Variants in ZNF808 observed in about 807,000 individuals in gnomAD.
ZNF808 encodes zinc finger protein 808.
A neutral mutation model predicts 8.7 loss-of-function variants in ZNF808; 5 were observed. The observed-to-expected ratio is 0.58, with a 90% CI of 0.30 to 1.21. ZNF808 has a LOEUF of 1.21. Among genes scored for constraint, ZNF808 ranks in the 50% most tolerant of loss-of-function variants. The pLI, the probability that ZNF808 is intolerant of heterozygous loss-of-function variation, is 0.07. For missense variants in ZNF808, 1,103 were observed against 1,098.4 expected (o/e 1.00, Z -0.06); for synonymous variants, 380 against 366.0 (o/e 1.04, Z -0.44).
chr19:52,546,966 T>A (rs2059727919), intron 3 of ZNF808, among the ~76,000 whole-genome samples: 1 of 148,694 alleles, frequency 6.7e-6, no homozygotes, highest in Non-Finnish European at 1.5e-5. Context: ...TTTTTTTTTT[T>A]AGATGGAGTG....
chr19:52,548,332 T>C (rs1035127302), intron 4 of ZNF808, among the ~76,000 whole-genome samples: 4 of 152,226 alleles, frequency 2.6e-5, no homozygotes, highest in Non-Finnish European at 5.9e-5. Flanking sequence ...ATCAATCTTA[T>C]TGAGGGAGCT....
chr19:52,562,647 GT>G (rs2059861714), intron 3 of ZNF808, among the ~76,000 whole-genome samples: 1 of 152,162 alleles, frequency 6.6e-6, no homozygotes. Flanking sequence ...TACAGTCTGT[GT>G]TTTATATTTC....
intron 4 of ZNF808, among the ~76,000 whole-genome samples, chr19:52,548,820 A>G (rs1250566976): frequency 6.6e-6 from 1 of 152,098 alleles, no homozygotes; most frequent in African/African-American, 2.4e-5. Flanking sequence ...CTTTACTATT[A>G]TAAATAATAC....
chr19:52,546,188 GT>G (rs35937083), intron 3 of ZNF808, among the ~76,000 whole-genome samples: 38,205 of 140,450 alleles, frequency 0.27, 2,798 homozygotes, highest in African/African-American at 0.31. Flanking sequence ...CATCATAACA[GT>G]TTTTTTTTTT....
Position 52,553,483 on chromosome 19 carries a change from A to T in ZNF808, c.567A>T (p.Ser189=). ...QLEKSTSDAS[S]VSTSQRISCR... Reference sequence around the variant, plus strand: ...AGAAGTCTACCAGTGATGCTTCCTCAGTTTCAACATCCCAAAGAATTTCCT... The same window carrying T: ...AGAAGTCTACCAGTGATGCTTCCTCTGTTTCAACATCCCAAAGAATTTCCT... Residue 189 remains serine, a synonymous_variant, in exon 5 of 5, where the codon TCA becomes TCT. Coordinates refer to ENST00000359798, the MANE Select transcript of ZNF808 (RefSeq NM_001039886.4). 1 of 1,614,196 alleles carries T rather than the reference A, an allele frequency of 6.2e-7. No homozygotes were observed. The highest frequency in any genetic ancestry group is 1.3e-5 in the African/African-American group (1 of 75,054).
At chr19:52,531,784 C>G (rs2059564077) in intron 1 of ZNF808, among the ~76,000 whole-genome samples, 1 of 152,068 alleles carries the variant, frequency 6.6e-6, no homozygotes, top group South Asian at 2.1e-4. Flanking sequence ...TAACTAAGGG[C>G]AATGAATATA....
At chr19:52,546,943 CTTT>C (rs1172936091) in intron 3 of ZNF808, among the ~76,000 whole-genome samples, 10 of 78,468 alleles carry the variant, frequency 1.3e-4, no homozygotes, top group Non-Finnish European at 1.5e-4. Flanking sequence ...CCTGGAATTG[CTTT>C]TTTTTTTTTT....
chr19:52,541,126 A>G (rs953302062), intron 2 of ZNF808, among the ~76,000 whole-genome samples: 2 of 151,492 alleles, frequency 1.3e-5, no homozygotes, highest in African/African-American at 2.4e-5. Context: ...TAATTTGTGT[A>G]TTTTTAGTAG....
chr19:52,560,777 C>T (rs2059853581), downstream of ZNF808, among the ~76,000 whole-genome samples: 1 of 152,122 alleles, frequency 6.6e-6, no homozygotes, highest in Non-Finnish European at 1.5e-5. Flanking sequence ...ATTATATTCC[C>T]ACAGATGTGC....
Position 52,553,835 on chromosome 19 carries a change from A to C in ZNF808, c.919A>C (p.Arg307=). 6.2e-7 allele frequency: 1 copy of C among 1,614,196 alleles called. No individual in the cohort carries two copies. Residue 307 remains arginine (R), a synonymous_variant, in exon 5 of 5, where the codon AGA becomes CGA. Coordinates refer to ENST00000359798, the MANE Select transcript of ZNF808 (RefSeq NM_001039886.4). ...SYKSSLTCHH[R]LHTGVKPYKC... ...CAAGTCATCCCTTACATGCCATCAT[A>C]GACTTCATACTGGAGTAAAACCTTA...
chr19:52,559,915 T>C (rs1456973729), downstream of ZNF808, among the ~76,000 whole-genome samples: 1 of 152,142 alleles, frequency 6.6e-6, no homozygotes, highest in Non-Finnish European at 1.5e-5. Flanking sequence ...TGTGTGTGCA[T>C]GAATACATGG....
In ZNF808 at chr19:52,540,570, T is replaced by C. The variant is rs1266017648; in HGVS notation, c.-19-2696T>C. Among the ~76,000 whole-genome samples the C allele has an allele frequency of 3.3e-5, 5 of 152,314 alleles. No homozygotes were observed. In the South Asian group the frequency reaches 8.3e-4, roughly 25 times the overall value. On this transcript the variant is annotated intron_variant, in intron 2 of 4. Coordinates refer to ENST00000359798, the MANE Select transcript of ZNF808 (RefSeq NM_001039886.4). Reference sequence around the variant, plus strand: ...TCTTTACCCTAACATGAAAATTCAGTTGAAGTAGCCTATTCCATTTTTTTT... The same window carrying C: ...TCTTTACCCTAACATGAAAATTCAGCTGAAGTAGCCTATTCCATTTTTTTT...
downstream of ZNF808, among the ~76,000 whole-genome samples, chr19:52,567,795 G>A (rs2059876579): frequency 6.6e-6 from 1 of 151,892 alleles, no homozygotes. Flanking sequence ...AAAGGGCTGG[G>A]ATTACAGGCT....
At chr19:52,560,408 G>C (rs1274675777), downstream of ZNF808, among the ~76,000 whole-genome samples, 1 of 152,008 alleles carries the variant, frequency 6.6e-6, no homozygotes, top group Admixed American at 6.6e-5. Flanking sequence ...GCCTGCCTCT[G>C]TTTTCACAGA....
intron 4 of ZNF808, among the ~76,000 whole-genome samples, chr19:52,551,176 A>G (rs2059773026): frequency 6.6e-6 from 1 of 151,962 alleles, no homozygotes; most frequent in African/African-American, 2.4e-5. Context: ...ACGTGGTGAA[A>G]CCCCGTCTCT....
chr19:52,543,802 A>T (rs748384377), intron 3 of ZNF808, among the ~76,000 whole-genome samples: 48 of 152,036 alleles, frequency 3.2e-4, no homozygotes, highest in Non-Finnish European at 6.3e-4. Context: ...TTGGTAATGC[A>T]TTTGAAGCCA....
In ZNF808 at chr19:52,555,434, A is replaced by C. The variant is rs772604325; in HGVS notation, c.2518A>C (p.Ile840Leu). 1.2e-6 allele frequency: 2 copies of C among 1,613,928 alleles called. No homozygotes were observed. Among genetic ancestry groups the C allele is most frequent in the Admixed American group, 1.7e-5 (1 of 59,994 alleles). ...EQSHLSRHHRIHTGEKPYKCE... is the reference protein window; with the variant it reads ...EQSHLSRHHRLHTGEKPYKCE... ...ATCACACCTTTCACGTCATCATAGA[A>C]TTCATACTGGAGAGAAACCTTACAA... The change falls in exon 5 of 5, where the codon ATT becomes CTT. Residue 840 changes from isoleucine (I) to leucine (L), a missense_variant. Coordinates refer to ENST00000359798, the MANE Select transcript of ZNF808 (RefSeq NM_001039886.4).
intron 1 of ZNF808, among the ~76,000 whole-genome samples, chr19:52,531,108 CAG>C (rs1226961566): frequency 1.3e-5 from 2 of 152,166 alleles, no homozygotes; most frequent in Non-Finnish European, 2.9e-5. Flanking sequence ...AGCTGAGTGA[CAG>C]AGTGTGACTT....
chr19:52,543,263 C>T lies in ZNF808; in HGVS notation c.-19-3C>T, dbSNP rs748915774. 6.2e-7 allele frequency: 1 copy of T among 1,610,874 alleles called. No homozygotes were observed. The highest frequency in any genetic ancestry group is 8.5e-7 in the Non-Finnish European group (1 of 1,178,744). ...ATGAAGTCTTATTTTTTTTCACATA[C>T]AGGATTGATTTCTAAAGACTCATGT... On this transcript the variant is annotated splice_polypyrimidine_tract_variant and splice_region_variant and intron_variant, in intron 2 of 4. Coordinates refer to ENST00000359798, the MANE Select transcript of ZNF808 (RefSeq NM_001039886.4).
Sources: allele counts gnomAD v4.1 joint callset (sites outside exome capture counted in the v4.1 genomes callset), GRCh38; gene constraint gnomAD v4.1.1; transcripts MANE v1.5; gene names NCBI Gene and HGNC (gene_info 2026-07-23, HGNC 2026-07-21).